The following PTHLH variants were observed in gnomAD, a reference collection of about 807,000 sequenced individuals.
The protein encoded by PTHLH is parathyroid hormone like hormone.
A neutral mutation model predicts 18.6 loss-of-function variants in PTHLH; 5 were observed. That is an observed-to-expected ratio of 0.27 (90% CI 0.14 to 0.56). PTHLH has a LOEUF of 0.56. Ranked by LOEUF, PTHLH falls within the 20% of genes least tolerant of loss-of-function variation. The pLI is 0.92. For synonymous variants in PTHLH, 90 were observed against 94.0 expected (o/e 0.96, Z 0.25); for missense variants, 207 against 223.9 (o/e 0.92, Z 0.48).
At chr12:27,967,017 T>G (rs1028719161) in intron 4 of PTHLH, among the ~76,000 whole-genome samples, 2 of 152,250 alleles carry the variant, frequency 1.3e-5, no homozygotes, top group Non-Finnish European at 1.5e-5. Flanking sequence ...AGAGTTAAGA[T>G]GACTCACCAG....
At chr12:27,971,241 G>T (rs2062869729) in intron 2 of PTHLH, among the ~76,000 whole-genome samples, 1 of 152,144 alleles carries the variant, frequency 6.6e-6, no homozygotes, top group Non-Finnish European at 1.5e-5. Flanking sequence ...CTATGGTTAT[G>T]TGCTGCTCTG....
At chr12:27,966,451 C>A (rs997199) in intron 4 of PTHLH, among the ~76,000 whole-genome samples, 11,298 of 152,190 alleles carry the variant, frequency 0.074, 493 homozygotes, top group East Asian at 0.14. Flanking sequence ...TCTCACTAGG[C>A]AGTTGCATTA....
chr12:27,968,475 G>A (rs1034962634), intron 4 of PTHLH, among the ~76,000 whole-genome samples: 8 of 152,096 alleles, frequency 5.3e-5, no homozygotes, highest in African/African-American at 1.7e-4. Flanking sequence ...TTCCCATTCT[G>A]AACACTGAGT....
Position 27,963,354 on chromosome 12 carries a change from T to C in PTHLH, c.518A>G (p.Asp173Gly), listed in dbSNP as rs1565521404. Reference protein sequence around the residue: ...SDTSTTSLELDSRRH With the variant: ...SDTSTTSLELGSRRH ...GGCCAGAGAAGCCTGTTACCGTGAA[T>C]CGAGCTCCAGCGACGTTGTGGAGGT... Residue 173 changes from aspartate to glycine, a missense_variant, in exon 5 of 6, where the codon GAT (aspartate) becomes GGT (glycine). Physicochemically the swap from Asp to Gly is moderately conservative, Grantham distance 94. Transcript: ENST00000545234. The C allele has an allele frequency of 1.2e-6, 2 of 1,614,208 alleles. No individual in the cohort carries two copies. Among genetic ancestry groups the C allele is most frequent in the Non-Finnish European group, 8.5e-7 (1 of 1,180,046 alleles).
chr12:27,961,287 G>GTATATATATATACGTATATA (rs1256551065), intron 5 of PTHLH, among the ~76,000 whole-genome samples: 1 of 34,184 alleles, frequency 2.9e-5, no homozygotes, highest in Non-Finnish European at 5.7e-5. Context: ...ATATATATAC[G>GTATATATATATACGTATATA]TATATATATA....
intron 1 of PTHLH, among the ~76,000 whole-genome samples, 190 bp from the exon 2 acceptor site, chr12:27,972,209 T>C (rs2062876915): frequency 6.6e-6 from 1 of 152,086 alleles, no homozygotes; most frequent in Non-Finnish European, 1.5e-5. Context: ...AAAACAAAAA[T>C]CAGATTGAAA....
chr12:27,965,432 C>T (rs2062804166), intron 4 of PTHLH, among the ~76,000 whole-genome samples: 1 of 152,150 alleles, frequency 6.6e-6, no homozygotes, highest in Admixed American at 6.5e-5. Flanking sequence ...AAGCCTATTG[C>T]CCAGAAAGTT....
intron 4 of PTHLH, among the ~76,000 whole-genome samples, chr12:27,965,049 C>T (rs1425493911): frequency 6.6e-6 from 1 of 152,180 alleles, no homozygotes; most frequent in Admixed American, 6.5e-5. Flanking sequence ...CCTTTGTTGC[C>T]TTTGTTGGTG....
Position 27,971,925 on chromosome 12 carries a change from A to G in PTHLH, c.-266+2T>C, listed in dbSNP as rs1488621241. 1.3e-5 allele frequency: 2 copies of G among 151,706 alleles called. No individual in the cohort carries two copies. Among genetic ancestry groups the G allele is most frequent in the East Asian group, 1.9e-4 (1 of 5,184 alleles). 9.4% of individuals were successfully genotyped at this position (151,706 alleles called of 1,614,324 possible). On this transcript the variant is annotated splice_donor_variant, in intron 2 of 5. Transcript: ENST00000545234. LOFTEE classifies it low-confidence loss of function (5UTR_SPLICE). ...AAAGTATCAGCACTCAGAAATGTCA[A>G]CCTTTGAACCTCGAACACTTTCTGA... is the stretch of plus-strand genomic sequence containing the variant.
In PTHLH at chr12:27,958,547, C is replaced by G; in HGVS notation, c.*12G>C. On this transcript the variant is annotated 3_prime_UTR_variant, in exon 6 of 6. Transcript: ENST00000545234. ...CCTGCAATATGTCCTTGGAAGGTCT[C>G]TGCTGAAAATTTCAATGCCTCCTGC... is the stretch of plus-strand genomic sequence containing the variant. 6.4e-7 allele frequency: 1 copy of G among 1,574,182 alleles called. No individual in the cohort carries two copies. The highest frequency in any genetic ancestry group is 8.6e-7 in the Non-Finnish European group (1 of 1,157,716).
At chr12:27,961,444 G>A (rs1007505074) in intron 5 of PTHLH, among the ~76,000 whole-genome samples, 1 of 147,604 alleles carries the variant, frequency 6.8e-6, no homozygotes, top group Non-Finnish European at 1.5e-5. Flanking sequence ...AAAATAATAT[G>A]TTGCAATTTA....
Position 27,970,191 on chromosome 12 carries a change from A to G in PTHLH, c.-189T>C. 2.0e-6 allele frequency: 1 copy of G among 512,042 alleles called. No homozygotes were observed. Among genetic ancestry groups the G allele is most frequent in the South Asian group, 1.4e-5 (1 of 70,952 alleles). The allele number at this position is 512,042 out of a possible 1,614,324, so 31.7% of individuals were successfully genotyped here. ...GCAGCCCCGCTTCACGGGCGGGGAG[A>G]CATGCTGGCCGGGCGGCGCAGGTTG... On this transcript the variant is annotated 5_prime_UTR_variant, in exon 3 of 6. Transcript: ENST00000545234.
intron 5 of PTHLH, chr12:27,963,117 G>A: frequency 7.1e-7 from 1 of 1,417,806 alleles, no homozygotes; most frequent in Non-Finnish European, 9.2e-7. Flanking sequence ...GGAGAAAGAG[G>A]AATGGGCTCT....
intron 5 of PTHLH, chr12:27,961,962 TCC>T: frequency 1.4e-6 from 1 of 719,722 alleles, no homozygotes; most frequent in Admixed American, 2.0e-5. Flanking sequence ...TCTGTTGTTT[TCC>T]TTTTTTTTTT....
intron 1 of PTHLH, among the ~76,000 whole-genome samples, 168 bp from the exon 2 acceptor site, chr12:27,972,187 C>A (rs2062876703): frequency 6.6e-6 from 1 of 152,082 alleles, no homozygotes; most frequent in Non-Finnish European, 1.5e-5. Flanking sequence ...ACCCTTCTCC[C>A]AATAGAAGGT....
chr12:27,961,276 C>CATATATATACGTAT (rs1161531877), intron 5 of PTHLH, among the ~76,000 whole-genome samples: 17 of 52,692 alleles, frequency 3.2e-4, no homozygotes, highest in East Asian at 5.6e-4. Context: ...TTTTATAACT[C>CATATATATACGTAT]ATATATATAC....
At position 27,958,406 on chromosome 12, in the gene PTHLH, T is replaced by G. The variant is rs578004140; in HGVS notation, c.*153A>C. ...CTTGGCAAAAAAAAAATATTCACAA[T>G]GACCAATGTGCAGTTTCATAGAGCA... On this transcript the variant is annotated 3_prime_UTR_variant, in exon 6 of 6. Coordinates refer to ENST00000545234, the MANE Select transcript of PTHLH (RefSeq NM_198965.2). 1.8e-4 allele frequency: 105 copies of G among 570,364 alleles called. No homozygotes were observed. In the East Asian group the frequency reaches 3.5e-3, roughly 19 times the overall value. 35.3% of individuals were successfully genotyped at this position (570,364 alleles called of 1,614,324 possible).
intron 5 of PTHLH, chr12:27,961,897 G>A: frequency 1.4e-6 from 1 of 708,100 alleles, no homozygotes; most frequent in East Asian, 2.5e-5. Flanking sequence ...AATGACTAAA[G>A]AAGTAACAGG....
Position 27,958,386 on chromosome 12 carries a change from CA to C in PTHLH, c.*172del, listed in dbSNP as rs34525777. 1,054 of 418,090 alleles carry C rather than the reference CA, an allele frequency of 2.5e-3. No homozygotes were observed. Among genetic ancestry groups the C allele is most frequent in the South Asian group, 5.0e-3 (56 of 11,162 alleles). The allele number at this position is 418,090 out of a possible 1,614,324, so 25.9% of individuals were successfully genotyped here. A position where few individuals can be genotyped will look rare whatever the true frequency, so the allele number is the denominator to read the frequency against. On this transcript the variant is annotated 3_prime_UTR_variant, in exon 6 of 6. Coordinates refer to ENST00000545234, the MANE Select transcript of PTHLH (RefSeq NM_198965.2). ...ATAATAATAATTGGATTAGCCTTGG[CA>C]AAAAAAAAATATTCACAATGACCAA...
Sources: gnomAD v4.1 joint callset for allele counts (sites outside exome capture counted in the v4.1 genomes callset) on GRCh38, gnomAD v4.1.1 for gene constraint, MANE v1.5 for transcripts, NCBI Gene and HGNC (gene_info 2026-07-23, HGNC 2026-07-21) for gene names.